The following PTCHD4 variants were observed in gnomAD, a reference collection of about 807,000 sequenced individuals.
PTCHD4 encodes the protein patched domain-containing protein 4.
A neutral mutation model predicts 58.1 loss-of-function variants in PTCHD4; 33 were observed. The ratio of observed to expected loss-of-function variants is 0.57; its 90% CI spans 0.43 to 0.76. The LOEUF (loss-of-function observed/expected upper bound fraction) is 0.76. Among genes scored for constraint, PTCHD4 ranks in the 30% least tolerant of loss-of-function variants. PTCHD4 has a pLI of 0.00. For missense variants in PTCHD4, 1,058 were observed against 1,027.1 expected (o/e 1.03, Z -0.41); for synonymous variants, 478 against 409.6 (o/e 1.17, Z -2.02).
intron 4 of PTCHD4, chr6:47,901,546 A>G (rs970579564): frequency 4.0e-6 from 4 of 1,010,922 alleles, no homozygotes; most frequent in Admixed American, 5.3e-5. Flanking sequence ...TTTCATCACT[A>G]AACAGTACTT....
intron 3 of PTCHD4, among the ~76,000 whole-genome samples, chr6:48,060,886 C>T (rs539784509): frequency 9.8e-5 from 15 of 152,340 alleles, no homozygotes; most frequent in Admixed American, 3.9e-4. Context: ...AATCCTGTAA[C>T]TAAACACAAT....
At chr6:47,987,446 C>A (rs1381651756) in intron 4 of PTCHD4, among the ~76,000 whole-genome samples, 1 of 150,880 alleles carries the variant, frequency 6.6e-6, no homozygotes, top group Non-Finnish European at 1.5e-5. Flanking sequence ...GACTAAGTAT[C>A]CAGCCATTTA....
At chr6:48,045,651 T>A (rs1378524498) in intron 3 of PTCHD4, among the ~76,000 whole-genome samples, 1 of 151,866 alleles carries the variant, frequency 6.6e-6, no homozygotes, top group Non-Finnish European at 1.5e-5. Context: ...TTCCTGTAAT[T>A]ATCCCCATTT....
At position 47,959,914 on chromosome 6, in the gene PTCHD4, A is replaced by G. The variant is rs183104187; in HGVS notation, c.898+48720T>C. Among the ~76,000 whole-genome samples, 12 of 152,102 alleles carry G rather than the reference A, an allele frequency of 7.9e-5. No individual in the cohort carries two copies. The East Asian group carries it at 2.1e-3, about 27-fold the overall frequency. On this transcript the variant is annotated intron_variant, in intron 4 of 4. Coordinates refer to ENST00000339488, the MANE Select transcript of PTCHD4 (RefSeq NM_001384253.1). ...ATCGTTCTTTAAATAGGAATGAAGA[A>G]TACAAATGTTATAAGCAAAAAAAAA...
Position 48,059,634 on chromosome 6 carries a change from T to TCAAACAAACAAA in PTCHD4, c.417+8584_417+8595dup, listed in dbSNP as rs146823585. The stretch of plus-strand genomic sequence containing the variant: ...GTCTGGGCGACAGAGTGAGACTGTC[T>TCAAACAAACAAA]CAAACAAACAAACAAACAAACAAAA... On this transcript the variant is annotated intron_variant, in intron 3 of 4. Coordinates refer to ENST00000339488, the MANE Select transcript of PTCHD4 (RefSeq NM_001384253.1). Among the ~76,000 whole-genome samples the TCAAACAAACAAA allele has an allele frequency of 2.6e-5, 4 of 151,504 alleles. No individual in the cohort carries two copies. In the South Asian group the frequency reaches 6.3e-4, roughly 24 times the overall value.
At chr6:47,983,292 A>C (rs1385188555) in intron 4 of PTCHD4, among the ~76,000 whole-genome samples, 2 of 152,160 alleles carry the variant, frequency 1.3e-5, no homozygotes, top group African/African-American at 4.8e-5. Context: ...CCATATTAAA[A>C]AGTATGATCT....
At chr6:47,995,197 G>A (rs1768439717) in intron 4 of PTCHD4, among the ~76,000 whole-genome samples, 1 of 152,186 alleles carries the variant, frequency 6.6e-6, no homozygotes, top group Non-Finnish European at 1.5e-5. Flanking sequence ...TACATAGTCA[G>A]TGATATTGAT....
At position 48,060,586 on chromosome 6, in the gene PTCHD4, A is replaced by G. The variant is rs182464482; in HGVS notation, c.417+7644T>C. 3.8e-4 allele frequency among the ~76,000 whole-genome samples: 58 copies of G among 151,904 alleles called. 1 individual carries two copies. The East Asian group carries it at 0.01, about 27-fold the overall frequency. On this transcript the variant is annotated intron_variant, in intron 3 of 4. Coordinates refer to ENST00000339488, the MANE Select transcript of PTCHD4 (RefSeq NM_001384253.1). ...CCTGCCAGGCTCAAGGCATCCTTCTACCTCTGCCTCTCAAGTAGCTGTGTC... is the reference window on the plus strand; with the variant it reads ...CCTGCCAGGCTCAAGGCATCCTTCTGCCTCTGCCTCTCAAGTAGCTGTGTC...
At chr6:48,072,031 C>A (rs941011539) in intron 1 of PTCHD4, among the ~76,000 whole-genome samples, 2 of 152,120 alleles carry the variant, frequency 1.3e-5, no homozygotes, top group African/African-American at 2.4e-5. Flanking sequence ...TGATGTGAAC[C>A]TTGATCACTC....
chr6:48,096,605 C>G (rs1018837476), intron 1 of PTCHD4, among the ~76,000 whole-genome samples: 7 of 102,676 alleles, frequency 6.8e-5, no homozygotes, highest in East Asian at 6.1e-4. Context: ...GAGCAAGACT[C>G]TGCCTAAAAA....
chr6:47,932,977 T>C (rs1765874844), intron 4 of PTCHD4, among the ~76,000 whole-genome samples: 1 of 152,216 alleles, frequency 6.6e-6, no homozygotes, highest in Non-Finnish European at 1.5e-5. Flanking sequence ...GAAGAGAGTA[T>C]AGAATATCTA....
chr6:48,008,356 A>T (rs1001541750), intron 4 of PTCHD4, among the ~76,000 whole-genome samples: 1 of 152,144 alleles, frequency 6.6e-6, no homozygotes, highest in African/African-American at 2.4e-5. Flanking sequence ...ATAATCCCTG[A>T]TCTGTTATTT....
At chr6:48,070,921 T>C (rs950891470) in intron 1 of PTCHD4, among the ~76,000 whole-genome samples, 3 of 152,272 alleles carry the variant, frequency 2.0e-5, no homozygotes, top group Non-Finnish European at 4.4e-5. Flanking sequence ...TACTTGGCTA[T>C]ATCCTCTACG....
rs896832679 is a variant in PTCHD4, at chr6:47,874,475, T to C, written c.*3828A>G. Among the ~76,000 whole-genome samples the C allele has an allele frequency of 6.6e-6, 1 of 151,728 alleles. No homozygotes were observed. The highest frequency in any genetic ancestry group is 1.5e-5 in the Non-Finnish European group (1 of 67,794). On this transcript the variant is annotated 3_prime_UTR_variant, in exon 5 of 5. Coordinates refer to ENST00000339488, the MANE Select transcript of PTCHD4 (RefSeq NM_001384253.1). ...GTGACTGTAATTATGATATTTACAG[T>C]CAACTTATAAAAATACATGTAATTC...
intron 4 of PTCHD4, among the ~76,000 whole-genome samples, chr6:47,930,847 G>C (rs1020005819): frequency 1.3e-5 from 2 of 152,146 alleles, no homozygotes; most frequent in Non-Finnish European, 2.9e-5. Flanking sequence ...AGGCTGGAGG[G>C]CAGTGGTGTG....
intron 4 of PTCHD4, among the ~76,000 whole-genome samples, chr6:47,992,580 T>G (rs1379391131): frequency 6.6e-6 from 1 of 152,188 alleles, no homozygotes; most frequent in Non-Finnish European, 1.5e-5. Context: ...CTTATGGAAA[T>G]TCTTGATTAT....
chr6:47,934,585 G>C (rs991778998), intron 4 of PTCHD4, among the ~76,000 whole-genome samples: 5 of 152,078 alleles, frequency 3.3e-5, no homozygotes, highest in Admixed American at 6.6e-5. Context: ...AATTTGACCA[G>C]TGTGACTTTT....
At chr6:47,965,876 C>T (rs182786790) in intron 4 of PTCHD4, among the ~76,000 whole-genome samples, 2 of 152,234 alleles carry the variant, frequency 1.3e-5, no homozygotes, top group East Asian at 3.9e-4. Flanking sequence ...GATCCGGCCA[C>T]TGCACTCCAG....
At chr6:48,043,936 G>A (rs915584233) in intron 3 of PTCHD4, among the ~76,000 whole-genome samples, 1 of 151,782 alleles carries the variant, frequency 6.6e-6, no homozygotes, top group African/African-American at 2.4e-5. Context: ...AAAATTGCCT[G>A]CAGTATATGA....
Sources: allele counts gnomAD v4.1 joint callset (sites outside exome capture counted in the v4.1 genomes callset), GRCh38; gene constraint gnomAD v4.1.1; transcripts MANE v1.5; gene names NCBI Gene and HGNC (gene_info 2026-07-23, HGNC 2026-07-21).